The following CENPW variants were observed in gnomAD, a reference collection of about 807,000 sequenced individuals.
The protein encoded by CENPW is centromere protein W, also known as cancer-up-regulated gene 2 protein.
A neutral mutation model predicts 11.1 loss-of-function variants in CENPW; 3 were observed. The ratio of observed to expected loss-of-function variants is 0.27; its 90% CI spans 0.12 to 0.70. CENPW has a LOEUF of 0.70. Among genes scored for constraint, CENPW ranks in the 30% least tolerant of loss-of-function variants. CENPW has a pLI of 0.77. For missense variants in CENPW, 100 were observed against 105.6 expected (o/e 0.95, Z 0.23); for synonymous variants, 38 against 42.0 (o/e 0.91, Z 0.37).
the CENPW span, among the ~76,000 whole-genome samples, chr6:126,398,889 C>G: frequency 6.6e-6 from 1 of 151,624 alleles, no homozygotes; most frequent in Non-Finnish European, 1.5e-5. Context: ...GGTTAGCTCC[C>G]ACTTATAAGT....
chr6:126,388,534 G>A, the CENPW span, among the ~76,000 whole-genome samples: 7 of 151,974 alleles, frequency 4.6e-5, no homozygotes, highest in Non-Finnish European at 8.8e-5. Flanking sequence ...TTGGTTGTCA[G>A]TTTTCTGACT....
chr6:126,463,842 T>TA, the CENPW span, among the ~76,000 whole-genome samples: 2 of 152,124 alleles, frequency 1.3e-5, no homozygotes, highest in Non-Finnish European at 2.9e-5. Flanking sequence ...ATGGCTTCAC[T>TA]GGTGAATGTC....
At chr6:126,431,792 C>A in the CENPW span, among the ~76,000 whole-genome samples, 6 of 151,948 alleles carry the variant, frequency 3.9e-5, no homozygotes, top group Admixed American at 3.9e-4. Context: ...ACTGGCCAGG[C>A]GCGGTGGCTC....
chr6:126,390,077 G>T, the CENPW span, among the ~76,000 whole-genome samples: 1 of 151,902 alleles, frequency 6.6e-6, no homozygotes, highest in Non-Finnish European at 1.5e-5. Flanking sequence ...CAGAAAGAAT[G>T]CTGGGTTTCA....
intron 1 of CENPW, 159 bp downstream of exon 1, chr6:126,340,558 G>A: frequency 1.0e-6 from 1 of 996,250 alleles, no homozygotes; most frequent in Non-Finnish European, 1.5e-6. Context: ...CCCCACCCTG[G>A]CATGTCAGTT....
At chr6:126,402,437 C>G in the CENPW span, among the ~76,000 whole-genome samples, 1 of 151,944 alleles carries the variant, frequency 6.6e-6, no homozygotes, top group Non-Finnish European at 1.5e-5. Flanking sequence ...ATAATCACTA[C>G]TATCAATTTT....
chr6:126,453,927 C>T, the CENPW span, among the ~76,000 whole-genome samples: 5 of 151,234 alleles, frequency 3.3e-5, 1 homozygote, highest in East Asian at 3.9e-4. Flanking sequence ...AAAAAACAGA[C>T]TTTAAACTGG....
At chr6:126,473,180 C>T in the CENPW span, among the ~76,000 whole-genome samples, 1 of 152,054 alleles carries the variant, frequency 6.6e-6, no homozygotes, top group African/African-American at 2.4e-5. Flanking sequence ...TTGGTTGTTT[C>T]CAGCTTTTGG....
Position 126,348,454 on chromosome 6 carries a change from T to TC in CENPW, c.241-9dup, listed in dbSNP as rs774410306. ...AGATATAATATGAATCTTATTTTTTTCCCTCTTACAGGTAATTCTAAAGAA... is the reference window on the plus strand; with the variant it reads ...AGATATAATATGAATCTTATTTTTTTCCCCTCTTACAGGTAATTCTAAAGAA... On this transcript the variant is annotated splice_polypyrimidine_tract_variant and intron_variant, in intron 2 of 2. Coordinates refer to ENST00000368328, the MANE Select transcript of CENPW (RefSeq NM_001012507.4). 274 of 1,315,860 alleles carry TC rather than the reference T, an allele frequency of 2.1e-4. 1 individual carries two copies. Among genetic ancestry groups the TC allele is most frequent in the Non-Finnish European group, 2.8e-4 (253 of 914,150 alleles). The allele number at this position is 1,315,860 out of a possible 1,614,324, so 81.5% of individuals were successfully genotyped here.
chr6:126,366,558 T>G, the CENPW span, among the ~76,000 whole-genome samples: 1 of 152,232 alleles, frequency 6.6e-6, no homozygotes, highest in South Asian at 2.1e-4. Context: ...AATACCTTTA[T>G]GAGTGCCATT....
At chr6:126,420,299 G>A in the CENPW span, among the ~76,000 whole-genome samples, 1 of 152,096 alleles carries the variant, frequency 6.6e-6, no homozygotes, top group Non-Finnish European at 1.5e-5. Context: ...GGGAGAGATA[G>A]GGTGGAGTCA....
the CENPW span, among the ~76,000 whole-genome samples, chr6:126,447,858 C>A: frequency 6.6e-6 from 1 of 151,230 alleles, no homozygotes; most frequent in Admixed American, 6.6e-5. Context: ...TGGTCCTGTT[C>A]CTATGTGTTT....
At chr6:126,416,159 T>G in the CENPW span, among the ~76,000 whole-genome samples, 17 of 152,162 alleles carry the variant, frequency 1.1e-4, no homozygotes, top group Non-Finnish European at 2.4e-4. Flanking sequence ...GGAACAAAGG[T>G]GATGACTCTT....
the CENPW span, among the ~76,000 whole-genome samples, chr6:126,445,140 A>G: frequency 6.6e-6 from 1 of 151,098 alleles, no homozygotes. Context: ...TTTCACCACT[A>G]GAGAGGACAC....
At chr6:126,443,944 A>G in the CENPW span, among the ~76,000 whole-genome samples, 2 of 151,166 alleles carry the variant, frequency 1.3e-5, no homozygotes, top group Non-Finnish European at 3.0e-5. Context: ...AAATGCATAT[A>G]AAGTCCTTGG....
the CENPW span, among the ~76,000 whole-genome samples, chr6:126,448,663 C>T: frequency 2.1e-4 from 32 of 151,038 alleles, no homozygotes; most frequent in South Asian, 6.2e-4. Context: ...TCTGGTAAAT[C>T]CTAGGGTCAA....
At chr6:126,453,678 G>A in the CENPW span, among the ~76,000 whole-genome samples, 1 of 151,014 alleles carries the variant, frequency 6.6e-6, no homozygotes, top group African/African-American at 2.4e-5. Flanking sequence ...GTAATGATAT[G>A]AGGACAAGAT....
At chr6:126,478,033 A>T in the CENPW span, among the ~76,000 whole-genome samples, 1 of 152,052 alleles carries the variant, frequency 6.6e-6, no homozygotes, top group Non-Finnish European at 1.5e-5. Flanking sequence ...AACTCTTGAG[A>T]TCCAACTTCC....
the CENPW span, among the ~76,000 whole-genome samples, chr6:126,474,007 A>G: frequency 6.7e-6 from 1 of 148,430 alleles, no homozygotes; most frequent in South Asian, 2.1e-4. Flanking sequence ...TAGAATATAT[A>G]TATTCTATGT....
Sources: gnomAD v4.1 joint callset for allele counts (sites outside exome capture counted in the v4.1 genomes callset) on GRCh38, gnomAD v4.1.1 for gene constraint, MANE v1.5 for transcripts, NCBI Gene and HGNC (gene_info 2026-07-23, HGNC 2026-07-21) for gene names.